The following DACH2 variants were observed in gnomAD, a reference collection of about 807,000 sequenced individuals.
DACH2 encodes dachshund homolog 2.
A neutral mutation model predicts 35.8 loss-of-function variants in DACH2; 17 were observed. The observed-to-expected ratio is 0.48, with a 90% CI of 0.33 to 0.71. The LOEUF (loss-of-function observed/expected upper bound fraction) is 0.71, where lower values mean the gene tolerates loss of function less well. Ranked by LOEUF, DACH2 falls within the 30% of genes least tolerant of loss-of-function variation. The pLI is 0.02. For synonymous variants in DACH2, 195 were observed against 177.3 expected (o/e 1.10, Z -0.79); for missense variants, 469 against 472.7 (o/e 0.99, Z 0.07).
intron 3 of DACH2, among the ~76,000 whole-genome samples, chrX:86,540,110 A>G (rs778799461): frequency 8.9e-6 from 1 of 112,266 alleles, no homozygotes; most frequent in South Asian, 3.7e-4. Context: ...ATCTTTAAGC[A>G]TCTATGTTTG....
At chrX:86,151,169 T>C (rs1359174570) in intron 1 of DACH2, among the ~76,000 whole-genome samples, 1 of 111,590 alleles carries the variant, frequency 9.0e-6, no homozygotes, top group Non-Finnish European at 1.9e-5. Context: ...CAGGTGATCT[T>C]GTAATATTTT....
chrX:86,300,385 A>C (rs1306466568), intron 1 of DACH2, among the ~76,000 whole-genome samples: 1 of 111,487 alleles, frequency 9.0e-6, no homozygotes, highest in Non-Finnish European at 1.9e-5. Flanking sequence ...CTTGTTTTTA[A>C]AAAGTTTATT....
At chrX:86,527,453 A>G (rs192880747) in intron 3 of DACH2, among the ~76,000 whole-genome samples, 1 of 112,356 alleles carries the variant, frequency 8.9e-6, no homozygotes, top group South Asian at 3.6e-4. Context: ...TAGAGAATGC[A>G]CTATTTTTTG....
chrX:86,396,415 G>T (rs1176108196), intron 2 of DACH2, among the ~76,000 whole-genome samples: 1 of 95,535 alleles, frequency 1.0e-5, no homozygotes, highest in Non-Finnish European at 2.1e-5. Flanking sequence ...TGTCAATTTT[G>T]GCTTTTGTTG....
At chrX:86,264,865 T>C (rs766192377) in intron 1 of DACH2, among the ~76,000 whole-genome samples, 14 of 111,402 alleles carry the variant, frequency 1.3e-4, no homozygotes, top group East Asian at 5.6e-4. Flanking sequence ...GGCCAATCAA[T>C]TGATTTCTTT....
At chrX:86,695,766 G>A (rs932366475) in intron 5 of DACH2, among the ~76,000 whole-genome samples, 1 of 109,874 alleles carries the variant, frequency 9.1e-6, no homozygotes, top group Non-Finnish European at 1.9e-5. Context: ...ACTCGCCTAG[G>A]CCTCCCAAAG....
intron 1 of DACH2, among the ~76,000 whole-genome samples, chrX:86,185,249 C>T (rs752324574): frequency 3.6e-5 from 4 of 111,827 alleles, no homozygotes; most frequent in African/African-American, 9.7e-5. Context: ...TTGCATACGT[C>T]AAATCTTGTA....
chrX:86,451,970 A>G (rs1460607722), intron 2 of DACH2, among the ~76,000 whole-genome samples: 2 of 111,609 alleles, frequency 1.8e-5, no homozygotes, highest in South Asian at 3.7e-4. Flanking sequence ...TATATGTTAT[A>G]GATGGCTCTT....
intron 3 of DACH2, among the ~76,000 whole-genome samples, chrX:86,598,203 T>G (rs946462690): frequency 8.9e-6 from 1 of 112,104 alleles, no homozygotes; most frequent in African/African-American, 3.2e-5. Context: ...CATGTATGTT[T>G]GTAATTATTA....
chrX:86,520,714 T>C lies in DACH2; in HGVS notation c.640+6323T>C, dbSNP rs925233276. Among the ~76,000 whole-genome samples the C allele has an allele frequency of 5.4e-5, 6 of 111,768 alleles. No homozygotes were observed. The South Asian group carries it at 1.1e-3, about 21-fold the overall frequency. On this transcript the variant is annotated intron_variant, in intron 3 of 11. Transcript: ENST00000373125. ...AATCTGTTTTTTCTGAAATTAAGGT[T>C]GCAACTCCTGCTTTTTTTCTGTTTT...
intron 1 of DACH2, among the ~76,000 whole-genome samples, chrX:86,246,937 T>C (rs2033296193): frequency 1.8e-5 from 2 of 111,273 alleles, no homozygotes; most frequent in Admixed American, 9.6e-5. Context: ...GAGACCCCTT[T>C]CACATGCAAT....
At chrX:86,201,217 A>G (rs1010573089) in intron 1 of DACH2, among the ~76,000 whole-genome samples, 1 of 105,274 alleles carries the variant, frequency 9.5e-6, no homozygotes, top group African/African-American at 3.4e-5. Context: ...GTTCTCACTT[A>G]TAAGGGGGAG....
At chrX:86,527,414 T>C (rs1010239561) in intron 3 of DACH2, among the ~76,000 whole-genome samples, 1 of 111,874 alleles carries the variant, frequency 8.9e-6, no homozygotes, top group African/African-American at 3.2e-5. Context: ...TAGTTTGTAT[T>C]TTCTAGCATT....
intron 7 of DACH2, among the ~76,000 whole-genome samples, chrX:86,784,609 C>T (rs1343757676): frequency 8.9e-6 from 1 of 111,799 alleles, no homozygotes. Context: ...ACCATTCAAC[C>T]CAACAATCTC....
chrX:86,195,216 G>A (rs952222353), intron 1 of DACH2, among the ~76,000 whole-genome samples: 3 of 111,566 alleles, frequency 2.7e-5, no homozygotes, highest in Non-Finnish European at 5.7e-5. Context: ...CAGGAGTGGA[G>A]TCCACCTCCA....
intron 7 of DACH2, among the ~76,000 whole-genome samples, chrX:86,807,470 G>T (rs144334892): frequency 3.6e-5 from 4 of 111,614 alleles, no homozygotes; most frequent in Non-Finnish European, 7.5e-5. Flanking sequence ...ATAGAGCAGG[G>T]ATTCAAACCC....
At chrX:86,774,364 T>G (rs969190860) in intron 7 of DACH2, among the ~76,000 whole-genome samples, 1 of 112,244 alleles carries the variant, frequency 8.9e-6, no homozygotes, top group African/African-American at 3.2e-5. Context: ...ACTTTTCTTT[T>G]TGCCTTCAAT....
intron 1 of DACH2, among the ~76,000 whole-genome samples, chrX:86,346,221 A>G (rs1330934153): frequency 9.0e-6 from 1 of 111,073 alleles, no homozygotes; most frequent in Non-Finnish European, 1.9e-5. Context: ...CAGGGCATAA[A>G]TTCATCCTGT....
chrX:86,525,230 A>G (rs1240097899), intron 3 of DACH2, among the ~76,000 whole-genome samples: 1 of 111,866 alleles, frequency 8.9e-6, no homozygotes, highest in Admixed American at 9.5e-5. Flanking sequence ...AATTGAGGTT[A>G]TGAATCTTCA....
Sources: gnomAD v4.1 joint callset for allele counts (sites outside exome capture counted in the v4.1 genomes callset) on GRCh38, gnomAD v4.1.1 for gene constraint, MANE v1.5 for transcripts, NCBI Gene and HGNC (gene_info 2026-07-23, HGNC 2026-07-21) for gene names.